Variants in NTRK3 observed in about 807,000 individuals in gnomAD.
The protein encoded by NTRK3 is NT-3 growth factor receptor.
NTRK3 carries 24 observed loss-of-function variants against 91.7 expected under a neutral mutation model. The ratio of observed to expected loss-of-function variants is 0.26; its 90% CI spans 0.19 to 0.37. NTRK3 has a LOEUF of 0.37. NTRK3 is among the 10% of genes least tolerant of loss of function. The pLI, the probability that NTRK3 is intolerant of heterozygous loss-of-function variation, is 1.00. For missense variants in NTRK3, 880 were observed against 1,068.9 expected (o/e 0.82, Z 2.46); for synonymous variants, 483 against 404.0 (o/e 1.20, Z -2.34).
intron 13 of NTRK3, among the ~76,000 whole-genome samples, chr15:88,085,303 G>A (rs2048398537): frequency 7.9e-5 from 12 of 152,180 alleles, no homozygotes; most frequent in Admixed American, 7.9e-4. Flanking sequence ...GCCCCTCCAT[G>A]TCTCTGCCCC....
At chr15:88,164,068 G>C (rs982562847) in intron 5 of NTRK3, among the ~76,000 whole-genome samples, 3 of 152,178 alleles carry the variant, frequency 2.0e-5, no homozygotes, top group African/African-American at 7.2e-5. Context: ...TGGGTGTACT[G>C]GGTGTATGGG....
chr15:87,936,273 T>C (rs3784434), intron 15 of NTRK3, among the ~76,000 whole-genome samples: 20,523 of 152,168 alleles, frequency 0.13, 1,503 homozygotes, highest in South Asian at 0.23. Context: ...GTATCTTTAG[T>C]ACAAAAAGGA....
In NTRK3 at chr15:88,022,177, T is replaced by G. The variant is rs574719846; in HGVS notation, c.1585+10680A>C. On this transcript the variant is annotated intron_variant, in intron 14 of 18. Coordinates refer to ENST00000394480, the Ensembl canonical transcript of NTRK3. ...TCTCTCCCTGTGCATATGAGCTTCC[T>G]GGGGTGTTCTTAAGCTCTCTGGCTT... Among the ~76,000 whole-genome samples, 53 of 152,264 alleles carry G rather than the reference T, an allele frequency of 3.5e-4. No individual in the cohort carries two copies. In the South Asian group the frequency reaches 9.5e-3, roughly 27 times the overall value.
chr15:88,154,110 CAAAAAA>C lies in NTRK3; in HGVS notation c.396-6713_396-6708del, dbSNP rs397736752. 5.8e-5 allele frequency among the ~76,000 whole-genome samples: 5 copies of C among 86,640 alleles called. No individual in the cohort carries two copies. In the South Asian group the frequency reaches 1.2e-3, roughly 21 times the overall value. 56.8% of individuals were successfully genotyped at this position (86,640 alleles called of 152,430 possible). A position where few individuals can be genotyped will look rare whatever the true frequency, so the allele number is the denominator to read the frequency against. On this transcript the variant is annotated intron_variant, in intron 5 of 18. Coordinates refer to ENST00000394480, the Ensembl canonical transcript of NTRK3. ...CAGCACCAAGCCCACATAGACTTTGCAAAAAAAAAAAAAAAAAAGAACAAACCACAG... is the reference window on the plus strand; with the variant it reads ...CAGCACCAAGCCCACATAGACTTTGCAAAAAAAAAAAAGAACAAACCACAG...
intron 3 of NTRK3, among the ~76,000 whole-genome samples, chr15:88,209,461 G>T (rs58529968): frequency 1.3e-5 from 2 of 152,156 alleles, no homozygotes; most frequent in Non-Finnish European, 2.9e-5. Flanking sequence ...TCAGGAAAAC[G>T]GAATTCACAT....
chr15:87,864,372 C>T (rs1212503328), exon 19 of NTRK3: 3 of 231,346 alleles, frequency 1.3e-5, no homozygotes, highest in Admixed American at 5.6e-5. Context: ...AAAGGCTAAA[C>T]TCTCAGAGAA....
chr15:88,065,940 T>G (rs753459981), intron 13 of NTRK3, among the ~76,000 whole-genome samples: 2 of 152,250 alleles, frequency 1.3e-5, no homozygotes, highest in Admixed American at 6.5e-5. Flanking sequence ...ACAGAGGAAG[T>G]TGACTTTGCC....
chr15:87,930,229 T>C lies in NTRK3; in HGVS notation c.1890-795A>G, dbSNP rs529096620. ...GGTCTGGGGTACCCCCAGAACCCAT[T>C]CCATCCCAAATCAAGCCCGGATTTG... On this transcript the variant is annotated intron_variant, in intron 16 of 18. Coordinates refer to ENST00000394480, the Ensembl canonical transcript of NTRK3. Among the ~76,000 whole-genome samples, 6 of 152,244 alleles carry C rather than the reference T, an allele frequency of 3.9e-5. No individual in the cohort carries two copies. In the South Asian group the frequency reaches 1.2e-3, roughly 32 times the overall value.
intron 15 of NTRK3, among the ~76,000 whole-genome samples, chr15:87,936,809 T>G (rs535276634): frequency 6.6e-6 from 1 of 152,154 alleles, no homozygotes. Flanking sequence ...GGAAAGAAGA[T>G]GGGTAGTTAT....
chr15:88,035,535 G>T (rs996443470), intron 13 of NTRK3, among the ~76,000 whole-genome samples: 2 of 152,202 alleles, frequency 1.3e-5, no homozygotes, highest in African/African-American at 4.8e-5. Context: ...ATCTACCAGT[G>T]GAAAGTCAAG....
intron 14 of NTRK3, among the ~76,000 whole-genome samples, chr15:87,991,997 T>G (rs115470224): frequency 6.1e-4 from 93 of 152,010 alleles, no homozygotes; most frequent in African/African-American, 2.2e-3. Context: ...AAATCTTGGC[T>G]TATGCTTCCT....
At chr15:88,129,730 G>A (rs2053624850) in intron 10 of NTRK3, among the ~76,000 whole-genome samples, 1 of 152,192 alleles carries the variant, frequency 6.6e-6, no homozygotes, top group African/African-American at 2.4e-5. Context: ...AGGAGCCAAT[G>A]TACAGGGGAT....
chr15:88,065,887 T>C (rs573822577), intron 13 of NTRK3, among the ~76,000 whole-genome samples: 71 of 152,274 alleles, frequency 4.7e-4, no homozygotes, highest in African/African-American at 1.7e-3. Flanking sequence ...ATGAATCACA[T>C]CATCATAAGC....
intron 14 of NTRK3, among the ~76,000 whole-genome samples, chr15:87,970,069 CT>C (rs1411062707): frequency 6.6e-6 from 1 of 152,178 alleles, no homozygotes; most frequent in South Asian, 2.1e-4. Context: ...CAGGCAGGGT[CT>C]TTTACATGAG....
At chr15:88,146,362 C>T (rs1045445109) in intron 6 of NTRK3, among the ~76,000 whole-genome samples, 1 of 152,142 alleles carries the variant, frequency 6.6e-6, no homozygotes, top group African/African-American at 2.4e-5. Context: ...AAGGTCATTG[C>T]CTCTTGGTAA....
Position 88,137,522 on chromosome 15 carries a change from G to A in NTRK3, c.504C>T (p.Ile168=). The change falls in exon 7 of 19, where the codon ATC becomes ATT. Residue 168 remains isoleucine (I), a synonymous_variant. Transcript: ENST00000394480. ...GCTCCTGCCAGAGCTGCATCCAGCG[G>A]ATGTCACAGCTGCAGTTGAAAAAGT... 1.9e-6 allele frequency: 3 copies of A among 1,614,140 alleles called. No homozygotes were observed. In the South Asian group the frequency reaches 3.3e-5, roughly 18 times the overall value.
chr15:88,017,683 T>G (rs1384424979), intron 14 of NTRK3, among the ~76,000 whole-genome samples: 3 of 149,474 alleles, frequency 2.0e-5, no homozygotes, highest in Non-Finnish European at 1.5e-5. Context: ...CTTTGGGGAA[T>G]AGGGGGAGAG....
chr15:88,036,764 G>A (rs765102319), intron 13 of NTRK3, among the ~76,000 whole-genome samples: 6 of 152,182 alleles, frequency 3.9e-5, no homozygotes, highest in Non-Finnish European at 8.8e-5. Flanking sequence ...CGGAATGCAG[G>A]AAGACACAAA....
At chr15:88,053,151 T>C (rs1368633916) in intron 13 of NTRK3, among the ~76,000 whole-genome samples, 1 of 152,192 alleles carries the variant, frequency 6.6e-6, no homozygotes, top group Non-Finnish European at 1.5e-5. Context: ...CAACAGAATG[T>C]GGATAACTAA....
Sources: gnomAD v4.1 joint callset for allele counts (sites outside exome capture counted in the v4.1 genomes callset) on GRCh38, gnomAD v4.1.1 for gene constraint, MANE v1.5 for transcripts, NCBI Gene and HGNC (gene_info 2026-07-23, HGNC 2026-07-21) for gene names.